The following RBFOX1 variants were observed in gnomAD, a reference collection of about 807,000 sequenced individuals.
RBFOX1 encodes RNA binding fox-1 homolog 1.
RBFOX1 carries 8 observed loss-of-function variants against 57.7 expected under a neutral mutation model. That is an observed-to-expected ratio of 0.14 (90% CI 0.08 to 0.25). RBFOX1 has a LOEUF of 0.25. RBFOX1 is among the 10% of genes least tolerant of loss of function. RBFOX1 has a pLI of 1.00. For missense variants in RBFOX1, 611 were observed against 548.5 expected, an observed-to-expected ratio of 1.11 and a Z score of -1.14; for synonymous variants, 326 against 222.4, an observed-to-expected ratio of 1.47 and a Z score of -4.15.
chr16:6,847,616 G>A (rs1425029988), intron 3 of RBFOX1, among the ~76,000 whole-genome samples: 2 of 152,112 alleles, frequency 1.3e-5, no homozygotes, highest in Non-Finnish European at 2.9e-5. Flanking sequence ...TACAAGGGAC[G>A]TGAAGAATGG....
At chr16:5,900,444 A>G (rs969146939) in intron 4 of RBFOX1, among the ~76,000 whole-genome samples, 20 of 152,216 alleles carry the variant, frequency 1.3e-4, no homozygotes, top group Non-Finnish European at 2.9e-4. Context: ...GTGTTTCTGC[A>G]AGGAGATTTA....
intron 3 of RBFOX1, among the ~76,000 whole-genome samples, chr16:6,791,041 G>A (rs559965328): frequency 1.3e-5 from 2 of 152,106 alleles, no homozygotes; most frequent in Admixed American, 6.5e-5. Flanking sequence ...GAGCAGATGG[G>A]ACCACAGGCA....
chr16:6,177,610 T>TCC (rs2097022759), intron 1 of RBFOX1, among the ~76,000 whole-genome samples: 2 of 152,144 alleles, frequency 1.3e-5, no homozygotes, highest in South Asian at 4.1e-4. Flanking sequence ...CAAGACCTTT[T>TCC]CCCCTCACTG....
At chr16:6,620,461 C>T (rs991827436) in intron 2 of RBFOX1, among the ~76,000 whole-genome samples, 16 of 152,028 alleles carry the variant, frequency 1.1e-4, no homozygotes, top group African/African-American at 3.4e-4. Context: ...GCAAACAAAT[C>T]CCAAAGCTAG....
chr16:7,086,314 A>T (rs1028009549), intron 4 of RBFOX1, among the ~76,000 whole-genome samples: 1 of 152,150 alleles, frequency 6.6e-6, no homozygotes, highest in Non-Finnish European at 1.5e-5. Flanking sequence ...TAAAAATATC[A>T]CTAATGGTCA....
chr16:5,399,746 A>G (rs1454521354), intron 1 of RBFOX1, among the ~76,000 whole-genome samples: 1 of 130,338 alleles, frequency 7.7e-6, no homozygotes, highest in Admixed American at 7.3e-5. Context: ...AAAAAAAAAA[A>G]TTTTTTTTTT....
chr16:6,692,142 C>T (rs1003974975), intron 3 of RBFOX1, among the ~76,000 whole-genome samples: 2 of 152,192 alleles, frequency 1.3e-5, no homozygotes, highest in African/African-American at 2.4e-5. Flanking sequence ...TTAGTGGTAA[C>T]ATATTCTCCT....
chr16:7,166,831 T>G (rs943670446), intron 4 of RBFOX1, among the ~76,000 whole-genome samples: 1 of 151,756 alleles, frequency 6.6e-6, no homozygotes, highest in African/African-American at 2.4e-5. Flanking sequence ...CTCTCCCAGG[T>G]TGTGAAACAA....
chr16:6,577,740 C>A (rs531242714), intron 2 of RBFOX1, among the ~76,000 whole-genome samples: 1 of 152,196 alleles, frequency 6.6e-6, no homozygotes, highest in Non-Finnish European at 1.5e-5. Flanking sequence ...AAGTGACACA[C>A]CCTACTATCA....
intron 3 of RBFOX1, among the ~76,000 whole-genome samples, chr16:6,742,861 A>G (rs2072615491): frequency 6.6e-6 from 1 of 152,216 alleles, no homozygotes; most frequent in Non-Finnish European, 1.5e-5. Flanking sequence ...AAGGTACAGC[A>G]TGAAGGAGAA....
chr16:5,347,194 A>T (rs567945771), intron 1 of RBFOX1, among the ~76,000 whole-genome samples: 1 of 152,096 alleles, frequency 6.6e-6, no homozygotes, highest in Non-Finnish European at 1.5e-5. Flanking sequence ...CTTATATACT[A>T]TATGTTTTCC....
intron 5 of RBFOX1, among the ~76,000 whole-genome samples, chr16:7,527,490 G>A (rs2078965043): frequency 6.6e-6 from 1 of 152,054 alleles, no homozygotes. Context: ...TTCAGCCTCG[G>A]ATTTTGGCAG....
intron 13 of RBFOX1, among the ~76,000 whole-genome samples, chr16:7,671,968 T>C (rs759431043): frequency 1.3e-5 from 2 of 152,220 alleles, no homozygotes; most frequent in Non-Finnish European, 2.9e-5. Context: ...ATAAATCCAA[T>C]GAAAATAATT....
At chr16:7,173,111 C>G (rs1225243647) in intron 4 of RBFOX1, among the ~76,000 whole-genome samples, 2 of 152,106 alleles carry the variant, frequency 1.3e-5, no homozygotes, top group Non-Finnish European at 2.9e-5. Flanking sequence ...TAGTATCAGA[C>G]ATACTTTTTG....
At chr16:5,308,961 C>A (rs2064011087) in intron 1 of RBFOX1, among the ~76,000 whole-genome samples, 1 of 152,104 alleles carries the variant, frequency 6.6e-6, no homozygotes. Flanking sequence ...GGTCTTAAGA[C>A]CTTGTGGGGT....
chr16:7,572,473 G>C (rs1188233348), intron 5 of RBFOX1, among the ~76,000 whole-genome samples: 1 of 152,114 alleles, frequency 6.6e-6, no homozygotes, highest in East Asian at 1.9e-4. Context: ...ACGGGTAGGC[G>C]ACTGGCATGT....
chr16:6,542,539 GAGTGC>G (rs2096837365), intron 2 of RBFOX1, among the ~76,000 whole-genome samples: 2 of 123,382 alleles, frequency 1.6e-5, no homozygotes, highest in South Asian at 5.5e-4. Flanking sequence ...ACCCAGGCTG[GAGTGC>G]AGTGGCCTTT....
intron 4 of RBFOX1, among the ~76,000 whole-genome samples, chr16:7,057,109 C>T (rs1328405283): frequency 6.6e-6 from 1 of 151,900 alleles, no homozygotes; most frequent in Non-Finnish European, 1.5e-5. Context: ...AATTATTTCA[C>T]TTCTCTTCCT....
At chr16:5,736,674 GTC>G (rs2052586825) in intron 3 of RBFOX1, among the ~76,000 whole-genome samples, 1 of 152,090 alleles carries the variant, frequency 6.6e-6, no homozygotes, top group Non-Finnish European at 1.5e-5. Context: ...CTGTGCTGGT[GTC>G]TCTCAGATTG....
Sources: allele counts gnomAD v4.1 joint callset (sites outside exome capture counted in the v4.1 genomes callset), GRCh38; gene constraint gnomAD v4.1.1; transcripts MANE v1.5; gene names NCBI Gene and HGNC (gene_info 2026-07-23, HGNC 2026-07-21).